Variants in RFWD3 observed in about 807,000 individuals in gnomAD.
RFWD3 encodes the protein ring finger and WD repeat domain 3.
Under a neutral mutation model 87.7 loss-of-function variants are expected in RFWD3, and 65 were observed. The ratio of observed to expected loss-of-function variants is 0.74; its 90% confidence interval spans 0.61 to 0.91. RFWD3 has a LOEUF of 0.91. Among genes scored for constraint, RFWD3 ranks in the 40% least tolerant of loss-of-function variants. The pLI is 0.00. For synonymous variants in RFWD3, 433 were observed against 352.8 expected (o/e 1.23, Z -2.55); for missense variants, 1,078 against 938.5 (o/e 1.15, Z -1.94).
At chr16:74,631,304 C>A (rs953342585) in intron 9 of RFWD3, among the ~76,000 whole-genome samples, 3 of 151,954 alleles carry the variant, frequency 2.0e-5, no homozygotes, top group Non-Finnish European at 4.4e-5. Context: ...GCCAACATGG[C>A]GAAACTAAAA....
chr16:74,628,110 G>A (rs1958989430), intron 11 of RFWD3, among the ~76,000 whole-genome samples: 1 of 152,194 alleles, frequency 6.6e-6, no homozygotes, highest in Admixed American at 6.5e-5. Context: ...GGAAGTAAGA[G>A]GCAGGCAGAA....
intron 3 of RFWD3, among the ~76,000 whole-genome samples, chr16:74,649,612 G>C (rs1047388435): frequency 1.3e-5 from 2 of 152,044 alleles, no homozygotes; most frequent in Non-Finnish European, 2.9e-5. Context: ...TATAAACACT[G>C]TGTAATTATT....
intron 8 of RFWD3, among the ~76,000 whole-genome samples, chr16:74,634,830 G>A (rs1959180481): frequency 2.0e-5 from 3 of 151,754 alleles, no homozygotes; most frequent in African/African-American, 7.3e-5. Context: ...GGGAAGGGGG[G>A]CGCAGGTATA....
chr16:74,649,385 G>T, intron 3 of RFWD3, 183 bp from the exon 4 acceptor site: 1 of 456,656 alleles, frequency 2.2e-6, no homozygotes. Flanking sequence ...TAAAAATTTA[G>T]TTTGAATATT....
intron 4 of RFWD3, among the ~76,000 whole-genome samples, chr16:74,645,309 T>A (rs1417793714): frequency 6.6e-6 from 1 of 152,234 alleles, no homozygotes; most frequent in African/African-American, 2.4e-5. Flanking sequence ...AACACATATA[T>A]CTTTCCTTTG....
At chr16:74,647,750 C>G (rs1045154520) in intron 4 of RFWD3, among the ~76,000 whole-genome samples, 1 of 151,354 alleles carries the variant, frequency 6.6e-6, no homozygotes, top group Non-Finnish European at 1.5e-5. Flanking sequence ...TGCCAACATA[C>G]CCAGCTAATC....
chr16:74,628,084 G>A (rs1200854607), intron 11 of RFWD3, among the ~76,000 whole-genome samples: 1 of 152,136 alleles, frequency 6.6e-6, no homozygotes, highest in Non-Finnish European at 1.5e-5. Context: ...GCCCTAATCT[G>A]GGCCTTTCTC....
chr16:74,623,982 G>A lies in RFWD3; in HGVS notation c.2271C>T (p.Asn757=). ...LDICPFEVNR[N]SYLATLTEKM... The stretch of plus-strand genomic sequence containing the variant: ...TCTCTGTTAAGGTAGCCAAGTAGCT[G>A]TTACGGTTCACCTCAAATGGGCAGA... Residue 757 remains asparagine (N), a synonymous_variant, in exon 13 of 13, where the codon AAC becomes AAT. Transcript: ENST00000361070. 6.2e-7 allele frequency: 1 copy of A among 1,614,164 alleles called. No individual in the cohort carries two copies. Among genetic ancestry groups the A allele is most frequent in the South Asian group, 1.1e-5 (1 of 91,082 alleles).
intron 4 of RFWD3, among the ~76,000 whole-genome samples, chr16:74,645,106 T>C (rs1303663956): frequency 6.6e-6 from 1 of 152,210 alleles, no homozygotes. Flanking sequence ...GGTCAATAAG[T>C]GTTTGCTTAT....
At chr16:74,646,991 G>A (rs1173770727) in intron 4 of RFWD3, among the ~76,000 whole-genome samples, 5 of 152,010 alleles carry the variant, frequency 3.3e-5, no homozygotes, top group African/African-American at 1.2e-4. Context: ...GGAGGCTGAG[G>A]CAGGAGAATG....
chr16:74,650,695 G>A (rs1301794204), intron 3 of RFWD3, among the ~76,000 whole-genome samples: 2 of 152,000 alleles, frequency 1.3e-5, no homozygotes, highest in Admixed American at 1.3e-4. Context: ...TTCAAGCCTG[G>A]ACAACATAGG....
At chr16:74,647,009 C>A (rs954316835) in intron 4 of RFWD3, among the ~76,000 whole-genome samples, 1 of 151,924 alleles carries the variant, frequency 6.6e-6, no homozygotes, top group Non-Finnish European at 1.5e-5. Flanking sequence ...ATGGTGTGAA[C>A]CTGGGAGGCG....
intron 4 of RFWD3, among the ~76,000 whole-genome samples, chr16:74,645,865 G>C (rs1960096453): frequency 7.2e-6 from 1 of 139,026 alleles, no homozygotes; most frequent in Non-Finnish European, 1.5e-5. Flanking sequence ...CCATTCTCTT[G>C]CCTCAGCCTC....
rs150067481 is a variant in RFWD3 at position 74,651,221 on chromosome 16, C to T, written c.721+699G>A. On this transcript the variant is annotated intron_variant, in intron 3 of 12. Transcript: ENST00000361070. ...CATCTACTTTAGGGGTCTCTGCCTA[C>T]GACTATTAAATAAAGTTCCACTTGC... is the stretch of plus-strand genomic sequence containing the variant. Among the ~76,000 whole-genome samples the T allele has an allele frequency of 9.0e-3, 1,372 of 152,270 alleles. 12 individuals are homozygous for T. The highest frequency in any genetic ancestry group is 0.015 in the Non-Finnish European group (1,054 of 68,022).
In RFWD3 at chr16:74,626,364, A is replaced by G; in HGVS notation, c.2160T>C (p.Asp720=). The G allele has an allele frequency of 6.2e-7, 1 of 1,614,158 alleles. No individual in the cohort carries two copies. Among genetic ancestry groups the G allele is most frequent in the Non-Finnish European group, 8.5e-7 (1 of 1,179,978 alleles). ...TCACCAGGGCAGAATTTGCTGCTTC[A>G]TCCCCAGTACACACCAGGATGTTGC... is the stretch of plus-strand genomic sequence containing the variant. ...NDGNILVCTG[D]EAANSALLWD... The change falls in exon 12 of 13, where the codon GAT becomes GAC. Residue 720 remains aspartate, a synonymous_variant. Coordinates refer to ENST00000361070, the MANE Select transcript of RFWD3 (RefSeq NM_018124.4).
intron 6 of RFWD3, among the ~76,000 whole-genome samples, chr16:74,642,208 C>T (rs916833432): frequency 2.0e-5 from 3 of 151,038 alleles, no homozygotes; most frequent in African/African-American, 7.3e-5. Context: ...CAGTAACCTC[C>T]GCCTCCCAGG....
chr16:74,644,319 A>AC (rs1959926535), intron 6 of RFWD3, 43 bp downstream of exon 6: 1 of 1,592,946 alleles, frequency 6.3e-7, no homozygotes, highest in African/African-American at 1.3e-5. Context: ...CCTACAATGA[A>AC]CCAAAAGGGA....
intron 8 of RFWD3, among the ~76,000 whole-genome samples, chr16:74,633,750 G>A (rs1959169103): frequency 6.6e-6 from 1 of 152,034 alleles, no homozygotes; most frequent in Admixed American, 6.6e-5. Context: ...ATGAGTTCGA[G>A]ACCAGCCTGG....
intron 12 of RFWD3, among the ~76,000 whole-genome samples, chr16:74,625,889 G>A (rs1050479008): frequency 6.6e-6 from 1 of 151,856 alleles, no homozygotes; most frequent in African/African-American, 2.4e-5. Flanking sequence ...TCAGACTCAG[G>A]TTCAAGAACA....
Sources: gnomAD v4.1 joint callset for allele counts (sites outside exome capture counted in the v4.1 genomes callset) on GRCh38, gnomAD v4.1.1 for gene constraint, MANE v1.5 for transcripts, NCBI Gene and HGNC (gene_info 2026-07-23, HGNC 2026-07-21) for gene names.